The following NCMAP variants were observed in gnomAD, a reference collection of about 807,000 sequenced individuals.
NCMAP encodes noncompact myelin-associated protein.
NCMAP carries 8 observed loss-of-function variants against 7.8 expected under a neutral mutation model. The ratio of observed to expected loss-of-function variants is 1.02; its 90% CI spans 0.60 to 1.84. NCMAP has a LOEUF of 1.84. NCMAP is among the 40% of genes most tolerant of loss of function. The pLI is 0.00. For synonymous variants in NCMAP, 41 were observed against 52.9 expected, an observed-to-expected ratio of 0.78 and a Z score of 0.98; for missense variants, 112 against 131.4, an observed-to-expected ratio of 0.85 and a Z score of 0.72.
At chr1:24,603,407 C>T (rs946216862) in intron 3 of NCMAP, among the ~76,000 whole-genome samples, 3 of 152,024 alleles carry the variant, frequency 2.0e-5, no homozygotes, top group Non-Finnish European at 4.4e-5. Flanking sequence ...TGGGTCTATC[C>T]CAAACCAGGA....
intron 1 of NCMAP, among the ~76,000 whole-genome samples, chr1:24,589,216 C>T (rs1256232632): frequency 6.6e-6 from 1 of 152,086 alleles, no homozygotes; most frequent in African/African-American, 2.4e-5. Context: ...AAATTAACCT[C>T]TGTCAGTGAA....
rs1220759472 is a variant in NCMAP at position 24,609,241 on chromosome 1, C to G, written c.*3494C>G. On this transcript the variant is annotated 3_prime_UTR_variant, in exon 4 of 4. Transcript: ENST00000374392. ...GTTTCTGATGAGGTGCCTTTCTTAG[C>G]AGATGCTGCCTTATTTGGCCACTGA... The G allele has an allele frequency of 6.6e-6, 1 of 152,182 alleles. No individual in the cohort carries two copies. The highest frequency in any genetic ancestry group is 1.5e-5 in the Non-Finnish European group (1 of 68,034). The allele number at this position is 152,182 out of a possible 1,614,324, so 9.4% of individuals were successfully genotyped here.
At chr1:24,573,409 G>A (rs961538919) in intron 1 of NCMAP, among the ~76,000 whole-genome samples, 10 of 150,574 alleles carry the variant, frequency 6.6e-5, no homozygotes, top group Admixed American at 2.0e-4. Context: ...CCAACATGGC[G>A]AAACCCTGTC....
At chr1:24,587,567 G>A (rs370329183) in intron 1 of NCMAP, among the ~76,000 whole-genome samples, 24 of 152,192 alleles carry the variant, frequency 1.6e-4, no homozygotes, top group East Asian at 5.8e-4. Flanking sequence ...AGGCTGGAGC[G>A]TGGTGGCATG....
intron 1 of NCMAP, among the ~76,000 whole-genome samples, chr1:24,575,379 G>A (rs115690768): frequency 1.3e-5 from 2 of 152,068 alleles, no homozygotes; most frequent in South Asian, 2.1e-4. Flanking sequence ...TAATGCACCC[G>A]ACTGAGTCTT....
chr1:24,570,444 G>A (rs531705961), intron 1 of NCMAP, among the ~76,000 whole-genome samples: 6 of 150,886 alleles, frequency 4.0e-5, no homozygotes, highest in East Asian at 1.9e-4. Context: ...GGAGTGAGCC[G>A]TGATTGTGCC....
In NCMAP at chr1:24,597,674, AAGAAAAAGAAAGAAAGAAAGAGAAAGAAG is replaced by A. The variant is rs1336145175; in HGVS notation, c.82+2163_82+2191del. Among the ~76,000 whole-genome samples the A allele has an allele frequency of 1.7e-4, 21 of 126,732 alleles. 2 individuals carry two copies. Among genetic ancestry groups the A allele is most frequent in the African/African-American group, 3.8e-4 (13 of 34,150 alleles). The allele number at this position is 126,732 out of a possible 152,430, so 83.1% of individuals were successfully genotyped here. ...AAGAAAGAAAGAAAGAAAGAAAGAA[AAGAAAAAGAAAGAAAGAAAGAGAAAGAAG>A]GAAAGATTGGTTGGTTCTCAACTAG... On this transcript the variant is annotated intron_variant, in intron 2 of 3. Transcript: ENST00000374392.
At position 24,597,635 on chromosome 1, in the gene NCMAP, GAAAGAA is replaced by G. The variant is rs1557602555; in HGVS notation, c.82+2125_82+2130del. On this transcript the variant is annotated intron_variant, in intron 2 of 3. Transcript: ENST00000374392. ...AAAGAAAGAGAAAGAAAGAAAGAAA[GAAAGAA>G]AGAAAGAAAGAAAGAAAGAAAGAAA... Among the ~76,000 whole-genome samples, 931 of 118,744 alleles carry G rather than the reference GAAAGAA, an allele frequency of 7.8e-3. 46 individuals carry two copies. The highest frequency in any genetic ancestry group is 0.032 in the African/African-American group (864 of 26,890). The allele number at this position is 118,744 out of a possible 152,430, so 77.9% of individuals were successfully genotyped here.
chr1:24,595,946 A>C (rs1226960941), intron 2 of NCMAP, among the ~76,000 whole-genome samples: 1 of 113,970 alleles, frequency 8.8e-6, no homozygotes, highest in Non-Finnish European at 1.9e-5. Context: ...AGTTTAGCAC[A>C]GCCTCTGGTA....
chr1:24,601,897 C>T (rs974278255), intron 3 of NCMAP, among the ~76,000 whole-genome samples: 10 of 151,970 alleles, frequency 6.6e-5, no homozygotes, highest in African/African-American at 1.7e-4. Flanking sequence ...AAAAATTAGC[C>T]GGGTGTGGCG....
intron 1 of NCMAP, among the ~76,000 whole-genome samples, chr1:24,594,629 G>A (rs1366540072): frequency 1.3e-5 from 2 of 152,018 alleles, no homozygotes; most frequent in Non-Finnish European, 2.9e-5. Context: ...TTCCCCTTAC[G>A]CCCCAACCAT....
intron 1 of NCMAP, among the ~76,000 whole-genome samples, chr1:24,589,147 A>C (rs1651971423): frequency 6.6e-6 from 1 of 152,060 alleles, no homozygotes; most frequent in Admixed American, 6.6e-5. Context: ...ATTAAGTGAG[A>C]TCTCCAACAT....
intron 1 of NCMAP, among the ~76,000 whole-genome samples, chr1:24,577,401 G>GTTTTTTTTTTTTTTT (rs71577720): frequency 7.0e-4 from 28 of 39,950 alleles, no homozygotes; most frequent in Non-Finnish European, 7.6e-4. Flanking sequence ...CACTGGCCTT[G>GTTTTTTTTTTTTTTT]TTTTTTTTTT....
intron 1 of NCMAP, among the ~76,000 whole-genome samples, chr1:24,571,323 A>C (rs1351642854): frequency 6.7e-6 from 1 of 149,748 alleles, no homozygotes; most frequent in Non-Finnish European, 1.5e-5. Context: ...AAAAATACAA[A>C]AATTAGCCAG....
Position 24,575,493 on chromosome 1 carries a change from G to A in NCMAP, c.-8+19324G>A, listed in dbSNP as rs527831424. On this transcript the variant is annotated intron_variant, in intron 1 of 3. Coordinates refer to ENST00000374392, the MANE Select transcript of NCMAP (RefSeq NM_001010980.5). ...GAGGCTCCTGGAGGGTGAATAATTT[G>A]TCTACAACAGTGATTTTAAAGGTGA... is the stretch of plus-strand genomic sequence containing the variant. Among the ~76,000 whole-genome samples the A allele has an allele frequency of 9.9e-5, 15 of 152,232 alleles. No homozygotes were observed. The East Asian group carries it at 2.1e-3, about 22-fold the overall frequency.
intron 1 of NCMAP, among the ~76,000 whole-genome samples, chr1:24,590,692 C>A (rs1652020380): frequency 6.6e-6 from 1 of 152,160 alleles, no homozygotes; most frequent in South Asian, 2.1e-4. Flanking sequence ...TTTGTGCCAT[C>A]AAACTCCTGG....
At chr1:24,573,962 A>AAAAAAAAAAAAAAAAAC in intron 1 of NCMAP, among the ~76,000 whole-genome samples, 3 of 145,902 alleles carry the variant, frequency 2.1e-5, no homozygotes, top group African/African-American at 8.1e-5. Flanking sequence ...CAAAAAAAAA[A>AAAAAAAAAAAAAAAAAC]AAAAAAAAAC....
chr1:24,584,963 G>A (rs1233015120), intron 1 of NCMAP, among the ~76,000 whole-genome samples: 1 of 147,702 alleles, frequency 6.8e-6, no homozygotes, highest in Admixed American at 6.8e-5. Context: ...TGTGCCCAGT[G>A]AGTGGGTGGG....
intron 3 of NCMAP, 32 bp from the exon 4 acceptor site, chr1:24,605,574 G>A (rs751974169): frequency 1.9e-5 from 30 of 1,608,732 alleles, no homozygotes; most frequent in Non-Finnish European, 2.3e-5. Flanking sequence ...CCAGGGGAAA[G>A]ACTCAACCAT....
Sources: allele counts gnomAD v4.1 joint callset (sites outside exome capture counted in the v4.1 genomes callset), GRCh38; gene constraint gnomAD v4.1.1; transcripts MANE v1.5; gene names NCBI Gene and HGNC (gene_info 2026-07-23, HGNC 2026-07-21).